Variants in LIN7A observed in about 807,000 individuals in gnomAD.
The protein encoded by LIN7A is lin-7 cell polarity scaffold A, also known as protein lin-7 homolog A.
In LIN7A, 25 loss-of-function variants were observed where a neutral mutation model predicts 29.8. The observed-to-expected ratio is 0.84, with a 90% CI of 0.61 to 1.17. The LOEUF is 1.17. Ranked by LOEUF, LIN7A falls within the 50% of genes most tolerant of loss-of-function variation. The pLI, the probability that LIN7A is intolerant of heterozygous loss-of-function variation, is 0.00. For synonymous variants in LIN7A, 118 were observed against 107.5 expected, an observed-to-expected ratio of 1.10 and a Z score of -0.60; for missense variants, 239 against 287.0, an observed-to-expected ratio of 0.83 and a Z score of 1.21.
intron 1 of LIN7A, among the ~76,000 whole-genome samples, chr12:80,902,219 T>G (rs1408969382): frequency 3.3e-4 from 33 of 100,930 alleles, no homozygotes; most frequent in East Asian, 6.3e-4. Context: ...GTCTATGTGT[T>G]TTTTTTTTTT....
chr12:80,865,467 A>G (rs1316466815), intron 2 of LIN7A, among the ~76,000 whole-genome samples: 1 of 152,214 alleles, frequency 6.6e-6, no homozygotes, highest in East Asian at 1.9e-4. Context: ...CAACTGAGCA[A>G]TGGAGAAGAG....
chr12:80,807,202 G>C (rs1871084398), intron 5 of LIN7A, among the ~76,000 whole-genome samples: 1 of 151,124 alleles, frequency 6.6e-6, no homozygotes, highest in Non-Finnish European at 1.5e-5. Flanking sequence ...CTCCTGAGTA[G>C]CTGGGACTAC....
At chr12:80,818,498 T>C (rs1229875183) in intron 4 of LIN7A, among the ~76,000 whole-genome samples, 1 of 152,238 alleles carries the variant, frequency 6.6e-6, no homozygotes, top group Non-Finnish European at 1.5e-5. Flanking sequence ...AAATGAGCTT[T>C]ATCTGTTTCT....
chr12:80,857,423 T>C (rs1873657021), intron 2 of LIN7A, among the ~76,000 whole-genome samples: 1 of 152,108 alleles, frequency 6.6e-6, no homozygotes, highest in Non-Finnish European at 1.5e-5. Flanking sequence ...AAGGACAGAA[T>C]GTGGAAGAGG....
At chr12:80,870,892 T>C (rs1874395755) in intron 2 of LIN7A, among the ~76,000 whole-genome samples, 1 of 152,226 alleles carries the variant, frequency 6.6e-6, no homozygotes, top group South Asian at 2.1e-4. Context: ...TTTACCTTTG[T>C]ATGTGAAAAC....
chr12:80,876,052 T>TACACACACACACAC (rs67035673), intron 2 of LIN7A, among the ~76,000 whole-genome samples: 4 of 148,118 alleles, frequency 2.7e-5, no homozygotes, highest in African/African-American at 1.0e-4. Context: ...ATTATTTTTA[T>TACACACACACACAC]ACACACACAC....
chr12:80,793,401 T>C lies in LIN7A; in HGVS notation c.*4326A>G, dbSNP rs2048666196. On this transcript the variant is annotated 3_prime_UTR_variant, in exon 6 of 6. Coordinates refer to ENST00000552864, the MANE Select transcript of LIN7A (RefSeq NM_004664.4). ...GAGCAGTGGTTTTAGAAAAGCAAGCTCACACAAATCTGTGCAGGGAGTATT... is the reference window on the plus strand; with the variant it reads ...GAGCAGTGGTTTTAGAAAAGCAAGCCCACACAAATCTGTGCAGGGAGTATT... 6.6e-6 allele frequency: 1 copy of C among 152,170 alleles called. No homozygotes were observed. The highest frequency in any genetic ancestry group is 2.4e-5 in the African/African-American group (1 of 41,448). 9.4% of individuals were successfully genotyped at this position (152,170 alleles called of 1,614,324 possible).
At chr12:80,928,390 C>T (rs577731655) in intron 1 of LIN7A, among the ~76,000 whole-genome samples, 1 of 152,016 alleles carries the variant, frequency 6.6e-6, no homozygotes, top group Non-Finnish European at 1.5e-5. Context: ...TTTTAATGAT[C>T]GCCATTCTAA....
intron 2 of LIN7A, among the ~76,000 whole-genome samples, chr12:80,862,160 C>T (rs1169410608): frequency 6.6e-6 from 1 of 152,184 alleles, no homozygotes; most frequent in East Asian, 1.9e-4. Flanking sequence ...TCAGCTTATA[C>T]TAACCGAACA....
chr12:80,875,081 T>C (rs1311135731), intron 2 of LIN7A, among the ~76,000 whole-genome samples: 1 of 152,192 alleles, frequency 6.6e-6, no homozygotes, highest in Non-Finnish European at 1.5e-5. Flanking sequence ...CTATTACCCA[T>C]AACAAGTAAA....
intron 2 of LIN7A, among the ~76,000 whole-genome samples, chr12:80,857,237 GA>G (rs1428035141): frequency 6.6e-6 from 1 of 152,140 alleles, no homozygotes; most frequent in African/African-American, 2.4e-5. Context: ...GAGTAAAACA[GA>G]TAGTTTACTT....
At chr12:80,916,238 T>G (rs1383853509) in intron 1 of LIN7A, among the ~76,000 whole-genome samples, 1 of 152,218 alleles carries the variant, frequency 6.6e-6, no homozygotes, top group African/African-American at 2.4e-5. Flanking sequence ...CAAACATAAG[T>G]TGGATCATGT....
At chr12:80,860,859 A>ATTTCTTCTTTTG (rs1873837603) in intron 2 of LIN7A, 1 of 152,180 alleles carries the variant, frequency 6.6e-6, no homozygotes, top group African/African-American at 2.4e-5. Context: ...TCTTTGCATT[A>ATTTCTTCTTTTG]AGTTTCTTTT....
intron 4 of LIN7A, among the ~76,000 whole-genome samples, chr12:80,825,164 G>A (rs1368301987): frequency 6.6e-6 from 1 of 152,046 alleles, no homozygotes; most frequent in Non-Finnish European, 1.5e-5. Flanking sequence ...GAAGGGAAGG[G>A]GTTTTATCAG....
intron 2 of LIN7A, among the ~76,000 whole-genome samples, chr12:80,888,629 T>C (rs1875460146): frequency 6.6e-6 from 1 of 151,582 alleles, no homozygotes; most frequent in African/African-American, 2.4e-5. Flanking sequence ...ACAATATAGC[T>C]TGTAGATCTC....
chr12:80,794,775 A>T lies in LIN7A; in HGVS notation c.*2952T>A, dbSNP rs887831442. On this transcript the variant is annotated 3_prime_UTR_variant, in exon 6 of 6. Transcript: ENST00000552864. ...GATTGAGGAAACACAAAAGTCTGTT[A>T]TTCTTTCCAAAGTCAATTGTAACTT... 2 of 152,170 alleles carry T rather than the reference A, an allele frequency of 1.3e-5. No individual in the cohort carries two copies. Among genetic ancestry groups the T allele is most frequent in the Admixed American group, 1.3e-4 (2 of 15,264 alleles). The allele number at this position is 152,170 out of a possible 1,614,324, so 9.4% of individuals were successfully genotyped here.
Position 80,796,148 on chromosome 12 carries a change from G to A in LIN7A, c.*1579C>T, listed in dbSNP as rs1461938856. On this transcript the variant is annotated 3_prime_UTR_variant, in exon 6 of 6. Coordinates refer to ENST00000552864, the MANE Select transcript of LIN7A (RefSeq NM_004664.4). ...TTTTCAAGAAGACAGTCTAAACTGAGCTTCATACATTTCTATTTTGGGGGA... is the reference window on the plus strand; with the variant it reads ...TTTTCAAGAAGACAGTCTAAACTGAACTTCATACATTTCTATTTTGGGGGA... 1 of 152,130 alleles carries A rather than the reference G, an allele frequency of 6.6e-6. No homozygotes were observed. The highest frequency in any genetic ancestry group is 1.5e-5 in the Non-Finnish European group (1 of 68,002). 9.4% of individuals were successfully genotyped at this position (152,130 alleles called of 1,614,324 possible). A position where few individuals can be genotyped will look rare whatever the true frequency, so the allele number is the denominator to read the frequency against.
chr12:80,808,749 C>T (rs1193056224), intron 5 of LIN7A, among the ~76,000 whole-genome samples: 1 of 152,186 alleles, frequency 6.6e-6, no homozygotes, highest in East Asian at 1.9e-4. Flanking sequence ...TCGTGATCCA[C>T]CTGCCTCGGC....
chr12:80,838,861 G>A (rs992272007), intron 4 of LIN7A, among the ~76,000 whole-genome samples: 7 of 152,164 alleles, frequency 4.6e-5, no homozygotes, highest in African/African-American at 1.7e-4. Context: ...GGGCCAAGTG[G>A]CTTTAGAGAG....
Sources: allele counts gnomAD v4.1 joint callset (sites outside exome capture counted in the v4.1 genomes callset), GRCh38; gene constraint gnomAD v4.1.1; transcripts MANE v1.5; gene names NCBI Gene and HGNC (gene_info 2026-07-23, HGNC 2026-07-21).